CTNND2: variants seen among roughly 807,000 people sequenced by gnomAD.
CTNND2 encodes the protein catenin delta-2.
In CTNND2, 22 loss-of-function variants were observed where a neutral mutation model predicts 144.4. The ratio of observed to expected loss-of-function variants is 0.15; its 90% CI spans 0.11 to 0.22. The LOEUF is 0.22. CTNND2 is among the 10% of genes least tolerant of loss of function. The probability of loss-of-function intolerance (pLI) is 1.00; values close to 1 mark genes in which losing one functional copy is unlikely to be tolerated. For missense variants in CTNND2, 1,353 were observed against 1,618.8 expected (o/e 0.84, Z 2.82); for synonymous variants, 751 against 695.6 (o/e 1.08, Z -1.25).
intron 9 of CTNND2, among the ~76,000 whole-genome samples, chr5:11,294,109 A>C (rs897071347): frequency 1.8e-4 from 27 of 151,768 alleles, no homozygotes; most frequent in African/African-American, 6.5e-4. Flanking sequence ...TGGTGGGTAA[A>C]ACTGGTGCTT....
intron 3 of CTNND2, among the ~76,000 whole-genome samples, chr5:11,454,431 T>A (rs1205563045): frequency 1.3e-5 from 2 of 151,688 alleles, no homozygotes; most frequent in Non-Finnish European, 2.9e-5. Flanking sequence ...AAAAAAAAAA[T>A]AAGTAAATAA....
intron 8 of CTNND2, among the ~76,000 whole-genome samples, chr5:11,360,222 G>T (rs928203505): frequency 6.6e-6 from 1 of 152,220 alleles, no homozygotes; most frequent in African/African-American, 2.4e-5. Flanking sequence ...GATAGGAAAA[G>T]ATGGTGGTAG....
intron 3 of CTNND2, among the ~76,000 whole-genome samples, chr5:11,457,952 C>T (rs1179229901): frequency 2.0e-5 from 3 of 152,180 alleles, no homozygotes; most frequent in Non-Finnish European, 4.4e-5. Flanking sequence ...TGCATGGGCT[C>T]TGAAGTCTGA....
intron 3 of CTNND2, among the ~76,000 whole-genome samples, chr5:11,539,553 T>C (rs1774536656): frequency 6.6e-6 from 1 of 152,248 alleles, no homozygotes; most frequent in African/African-American, 2.4e-5. Context: ...TACGGGTCCA[T>C]GTACCAGATG....
At chr5:11,399,949 T>C (rs576333127) in intron 5 of CTNND2, among the ~76,000 whole-genome samples, 63 of 152,338 alleles carry the variant, frequency 4.1e-4, no homozygotes, top group Non-Finnish European at 7.1e-4. Context: ...CACAGACATA[T>C]GAAACACGTT....
intron 9 of CTNND2, among the ~76,000 whole-genome samples, chr5:11,273,825 C>T (rs1746258814): frequency 6.6e-6 from 1 of 152,060 alleles, no homozygotes; most frequent in African/African-American, 2.4e-5. Context: ...GTATATTTTC[C>T]ACTAGAAGAA....
intron 11 of CTNND2, among the ~76,000 whole-genome samples, chr5:11,168,286 T>C (rs1047892319): frequency 6.6e-6 from 1 of 152,178 alleles, no homozygotes. Flanking sequence ...TGTCCCAAAC[T>C]GGATGCCTAT....
chr5:11,077,603 C>A (rs1001662653), intron 16 of CTNND2, among the ~76,000 whole-genome samples: 1 of 152,242 alleles, frequency 6.6e-6, no homozygotes, highest in South Asian at 2.1e-4. Context: ...CTTGATTTTA[C>A]ACTGAGATGA....
chr5:11,182,669 G>A (rs1200614428), intron 11 of CTNND2, among the ~76,000 whole-genome samples: 1 of 152,194 alleles, frequency 6.6e-6, no homozygotes, highest in Non-Finnish European at 1.5e-5. Flanking sequence ...AAGAGATACA[G>A]CAAAAGAAAC....
intron 2 of CTNND2, among the ~76,000 whole-genome samples, chr5:11,573,684 A>G (rs1455839780): frequency 6.6e-6 from 1 of 152,230 alleles, no homozygotes; most frequent in Non-Finnish European, 1.5e-5. Flanking sequence ...AATGTTTTCA[A>G]CAACGACAGT....
intron 18 of CTNND2, among the ~76,000 whole-genome samples, chr5:10,998,242 G>C (rs1181381163): frequency 6.6e-6 from 1 of 152,164 alleles, no homozygotes; most frequent in Non-Finnish European, 1.5e-5. Context: ...GATGACAGCG[G>C]AGTGTGGTGG....
intron 10 of CTNND2, among the ~76,000 whole-genome samples, chr5:11,200,023 T>C (rs927179774): frequency 6.6e-6 from 1 of 152,230 alleles, no homozygotes; most frequent in African/African-American, 2.4e-5. Flanking sequence ...CCTAGACTTA[T>C]TAAATTTAAC....
chr5:11,002,892 A>G (rs1740099462), intron 18 of CTNND2, among the ~76,000 whole-genome samples: 1 of 152,230 alleles, frequency 6.6e-6, no homozygotes. Context: ...TCTCTGACCC[A>G]GGAGCTTCAA....
At chr5:11,610,878 G>C (rs555568078) in intron 2 of CTNND2, among the ~76,000 whole-genome samples, 2 of 152,272 alleles carry the variant, frequency 1.3e-5, no homozygotes, top group African/African-American at 4.8e-5. Flanking sequence ...TGAATGAGAA[G>C]ATATTATACT....
chr5:11,835,978 T>C (rs1218303499), intron 1 of CTNND2, among the ~76,000 whole-genome samples: 1 of 152,208 alleles, frequency 6.6e-6, no homozygotes, highest in Non-Finnish European at 1.5e-5. Context: ...CTTTCAGCAC[T>C]GCTCTGCTTA....
intron 12 of CTNND2, among the ~76,000 whole-genome samples, chr5:11,155,356 G>A (rs1758124686): frequency 6.6e-6 from 1 of 152,206 alleles, no homozygotes; most frequent in Admixed American, 6.5e-5. Context: ...AAACAAAACA[G>A]AGAAGACTAA....
chr5:11,770,436 G>A (rs749387580), intron 1 of CTNND2, among the ~76,000 whole-genome samples: 5,795 of 137,274 alleles, frequency 0.042, 245 homozygotes, highest in Middle Eastern at 0.084. Flanking sequence ...AGGAAGGAAG[G>A]AAGGAAGGAA....
At chr5:11,866,448 G>C (rs1234514836) in intron 1 of CTNND2, among the ~76,000 whole-genome samples, 7 of 152,206 alleles carry the variant, frequency 4.6e-5, no homozygotes. Flanking sequence ...GAGGAAGCCT[G>C]AGCAGGATGT....
intron 5 of CTNND2, among the ~76,000 whole-genome samples, chr5:11,411,307 C>A (rs1378945804): frequency 6.6e-6 from 1 of 151,898 alleles, no homozygotes; most frequent in Non-Finnish European, 1.5e-5. Flanking sequence ...GTAATTAGTG[C>A]GAAAACTAGA....
Sources: gnomAD v4.1 joint callset for allele counts (sites outside exome capture counted in the v4.1 genomes callset) on GRCh38, gnomAD v4.1.1 for gene constraint, MANE v1.5 for transcripts, NCBI Gene and HGNC (gene_info 2026-07-23, HGNC 2026-07-21) for gene names.